The following STEAP1B variants were observed in gnomAD, a reference collection of about 807,000 sequenced individuals.
STEAP1B encodes STEAP family protein MGC87042.
A neutral mutation model predicts 27.9 loss-of-function variants in STEAP1B; 13 were observed. The ratio of observed to expected loss-of-function variants is 0.47; its 90% CI spans 0.30 to 0.74. The LOEUF is 0.74. STEAP1B is among the 30% of genes least tolerant of loss of function. The pLI, the probability that STEAP1B is intolerant of heterozygous loss-of-function variation, is 0.06. For missense variants in STEAP1B, 250 were observed against 298.7 expected (o/e 0.84, Z 1.20); for synonymous variants, 86 against 107.1 (o/e 0.80, Z 1.22).
At chr7:22,436,636 A>T (rs1785258740) in intron 4 of STEAP1B, among the ~76,000 whole-genome samples, 1 of 152,146 alleles carries the variant, frequency 6.6e-6, no homozygotes, top group Non-Finnish European at 1.5e-5. Context: ...ACAAGTGAGA[A>T]CATGTGGTAT....
chr7:22,452,743 C>A (rs1785511132), intron 4 of STEAP1B, among the ~76,000 whole-genome samples: 1 of 152,090 alleles, frequency 6.6e-6, no homozygotes, highest in South Asian at 2.1e-4. Context: ...TGCAGTGATG[C>A]CCAGGGCTGA....
chr7:22,444,570 C>T (rs1785381347), intron 4 of STEAP1B, among the ~76,000 whole-genome samples: 1 of 152,250 alleles, frequency 6.6e-6, no homozygotes, highest in African/African-American at 2.4e-5. Flanking sequence ...GTCCCATCGG[C>T]TGCCCGGGAG....
At chr7:22,434,754 A>G (rs550066926) in intron 4 of STEAP1B, among the ~76,000 whole-genome samples, 1 of 152,372 alleles carries the variant, frequency 6.6e-6, no homozygotes, top group Non-Finnish European at 1.5e-5. Context: ...TAAACAAATG[A>G]TTATATAATA....
At chr7:22,476,100 T>A (rs1785967111) in intron 4 of STEAP1B, among the ~76,000 whole-genome samples, 2 of 152,168 alleles carry the variant, frequency 1.3e-5, no homozygotes, top group Admixed American at 1.3e-4. Flanking sequence ...ACTACAGGTG[T>A]GAGCCACTGC....
intron 4 of STEAP1B, among the ~76,000 whole-genome samples, chr7:22,482,853 A>G (rs1334875433): frequency 6.6e-6 from 1 of 152,180 alleles, no homozygotes; most frequent in South Asian, 2.1e-4. Context: ...CAGGCCTTTC[A>G]TAAGTCAACA....
At position 22,493,419 on chromosome 7, in the gene STEAP1B, T is replaced by A. The variant is rs2128418050; in HGVS notation, c.502A>T (p.Ser168Cys). 6.2e-7 allele frequency: 1 copy of A among 1,613,984 alleles called. No homozygotes were observed. Among genetic ancestry groups the A allele is most frequent in the Non-Finnish European group, 8.5e-7 (1 of 1,179,902 alleles). Residue 168 changes from serine to cysteine, a missense_variant, in exon 3 of 5, where the codon AGT becomes TGT. By Grantham distance (112) the Ser-to-Cys change is moderately radical. Transcript: ENST00000678116. ...GCATGCAGTACAGCAAAAAACAAAC[T>A]GAGAAGCCCAAACTGCTTTCTTGTT... is the stretch of plus-strand genomic sequence containing the variant. ...MLTRKQFGLL[S>C]LFFAVLHAIY... is the part of the protein sequence containing the mutation.
intron 4 of STEAP1B, among the ~76,000 whole-genome samples, chr7:22,459,779 T>G (rs1785647439): frequency 1.3e-5 from 2 of 152,132 alleles, no homozygotes; most frequent in Admixed American, 1.3e-4. Flanking sequence ...CCGTTATGGG[T>G]CCCGTCCTCA....
At chr7:22,483,644 G>A (rs1786125335) in intron 4 of STEAP1B, among the ~76,000 whole-genome samples, 1 of 152,080 alleles carries the variant, frequency 6.6e-6, no homozygotes, top group Non-Finnish European at 1.5e-5. Context: ...ATCTGTGATG[G>A]TGATCTGTCA....
chr7:22,465,930 C>T lies in STEAP1B; in HGVS notation c.762+26635G>A, dbSNP rs187711516. 2.2e-4 allele frequency among the ~76,000 whole-genome samples: 33 copies of T among 152,266 alleles called. 1 individual carries two copies. The Middle Eastern group carries it at 0.014, about 63-fold the overall frequency. On this transcript the variant is annotated intron_variant, in intron 4 of 4. Coordinates refer to ENST00000678116, the MANE Select transcript of STEAP1B (RefSeq NM_001382447.1). Reference sequence around the variant, plus strand: ...CTTCATTTACCAAAACTCAGAGCCTCGATCTCCCGCATGGCTCATGTTCCA... The same window carrying T: ...CTTCATTTACCAAAACTCAGAGCCTTGATCTCCCGCATGGCTCATGTTCCA...
intron 4 of STEAP1B, among the ~76,000 whole-genome samples, chr7:22,478,963 G>C (rs935810011): frequency 6.6e-6 from 1 of 152,096 alleles, no homozygotes; most frequent in African/African-American, 2.4e-5. Flanking sequence ...TGCAGCCCGG[G>C]GTCCTTGCCC....
intron 4 of STEAP1B, among the ~76,000 whole-genome samples, chr7:22,464,473 G>A (rs1336468291): frequency 6.6e-6 from 1 of 152,168 alleles, no homozygotes; most frequent in Non-Finnish European, 1.5e-5. Flanking sequence ...AATACAAGGT[G>A]TTAAGGGCTG....
chr7:22,494,528 A>G (rs1260088808), intron 2 of STEAP1B, among the ~76,000 whole-genome samples: 2 of 152,088 alleles, frequency 1.3e-5, no homozygotes, highest in Admixed American at 6.5e-5. Flanking sequence ...AAACAAACTA[A>G]GACCCCAGAT....
chr7:22,483,117 A>G lies in STEAP1B; in HGVS notation c.762+9448T>C, dbSNP rs377156577. Among the ~76,000 whole-genome samples the G allele has an allele frequency of 9.2e-5, 14 of 152,206 alleles. 1 individual carries two copies. In the South Asian group the frequency reaches 2.5e-3, roughly 27 times the overall value. Reference sequence around the variant, plus strand: ...TCACCAGGATGGAAAAGGGGTAGGGAGAGAAGTTTTGGCCCACGTCACCTT... The same window carrying G: ...TCACCAGGATGGAAAAGGGGTAGGGGGAGAAGTTTTGGCCCACGTCACCTT... On this transcript the variant is annotated intron_variant, in intron 4 of 4. Transcript: ENST00000678116.
At chr7:22,453,120 T>C (rs1402969704) in intron 4 of STEAP1B, among the ~76,000 whole-genome samples, 1 of 152,144 alleles carries the variant, frequency 6.6e-6, no homozygotes, top group Non-Finnish European at 1.5e-5. Context: ...TTTAAAAAAT[T>C]CGTGTCAGTG....
intron 4 of STEAP1B, among the ~76,000 whole-genome samples, chr7:22,443,249 A>C (rs946253347): frequency 6.6e-6 from 1 of 152,234 alleles, no homozygotes; most frequent in Non-Finnish European, 1.5e-5. Context: ...ATTCCTTTTT[A>C]AAGACCCAGA....
chr7:22,491,651 TAGGA>T (rs1299570464), intron 4 of STEAP1B, among the ~76,000 whole-genome samples: 1 of 152,168 alleles, frequency 6.6e-6, no homozygotes, highest in Non-Finnish European at 1.5e-5. Flanking sequence ...AAAGTCATTT[TAGGA>T]AGAAAGTGAG....
At chr7:22,469,148 T>C (rs940135935) in intron 4 of STEAP1B, among the ~76,000 whole-genome samples, 1 of 152,222 alleles carries the variant, frequency 6.6e-6, no homozygotes, top group Non-Finnish European at 1.5e-5. Flanking sequence ...AAAGCAGTGA[T>C]ATTGATGATC....
chr7:22,439,066 A>C (rs930610432), intron 4 of STEAP1B, among the ~76,000 whole-genome samples: 3 of 152,188 alleles, frequency 2.0e-5, no homozygotes, highest in African/African-American at 7.2e-5. Flanking sequence ...ACTATCCAAC[A>C]TGGGGGGTCC....
intron 4 of STEAP1B, among the ~76,000 whole-genome samples, chr7:22,456,972 ATTTT>A (rs3064738): frequency 1.8e-5 from 1 of 57,082 alleles, no homozygotes; most frequent in African/African-American, 7.0e-5. Context: ...ATATATATAT[ATTTT>A]TTTTTTTTTT....
Sources: gnomAD v4.1 joint callset for allele counts (sites outside exome capture counted in the v4.1 genomes callset) on GRCh38, gnomAD v4.1.1 for gene constraint, MANE v1.5 for transcripts, NCBI Gene and HGNC (gene_info 2026-07-23, HGNC 2026-07-21) for gene names.